EXOC4: variants seen among roughly 807,000 people sequenced by gnomAD.
The protein encoded by EXOC4 is SEC8-like 1.
Under a neutral mutation model 107.2 loss-of-function variants are expected in EXOC4, and 71 were observed. That is an observed-to-expected ratio of 0.66 (90% CI 0.55 to 0.81). The LOEUF is 0.81. EXOC4 is among the 30% of genes least tolerant of loss of function. EXOC4 has a pLI of 0.00. For missense variants in EXOC4, 1,108 were observed against 1,189.6 expected, an observed-to-expected ratio of 0.93 and a Z score of 1.01; for synonymous variants, 456 against 441.2, an observed-to-expected ratio of 1.03 and a Z score of -0.42.
intron 10 of EXOC4, among the ~76,000 whole-genome samples, chr7:133,636,733 C>G (rs532846854): frequency 3.5e-4 from 54 of 152,254 alleles, no homozygotes; most frequent in South Asian, 3.1e-3. Flanking sequence ...TTATTCACAC[C>G]TCATTAAGAT....
chr7:134,050,607 C>T (rs888878735), intron 17 of EXOC4, among the ~76,000 whole-genome samples: 1 of 151,932 alleles, frequency 6.6e-6, no homozygotes, highest in South Asian at 2.1e-4. Flanking sequence ...GAGGATTTAG[C>T]GATTTTGAAC....
At chr7:133,845,415 A>G (rs904103631) in intron 11 of EXOC4, among the ~76,000 whole-genome samples, 1 of 147,834 alleles carries the variant, frequency 6.8e-6, no homozygotes, top group African/African-American at 2.5e-5. Flanking sequence ...TATATTTTAT[A>G]TATATCTTAT....
At chr7:133,261,039 T>C (rs1268259829) in intron 1 of EXOC4, among the ~76,000 whole-genome samples, 1 of 152,186 alleles carries the variant, frequency 6.6e-6, no homozygotes, top group Non-Finnish European at 1.5e-5. Context: ...GATTATACTT[T>C]TCAATCTAAG....
At chr7:133,484,957 G>C (rs770723391) in intron 9 of EXOC4, among the ~76,000 whole-genome samples, 2 of 151,476 alleles carry the variant, frequency 1.3e-5, no homozygotes, top group Non-Finnish European at 2.9e-5. Context: ...GCGGACACCT[G>C]TAATCCCAGC....
chr7:134,027,664 A>AAC (rs1795173059), intron 17 of EXOC4, among the ~76,000 whole-genome samples: 1 of 151,350 alleles, frequency 6.6e-6, no homozygotes, highest in African/African-American at 2.4e-5. Context: ...CTCAAAAAAA[A>AAC]AAAAAAAAGG....
At chr7:133,399,426 C>A (rs963358437) in intron 7 of EXOC4, among the ~76,000 whole-genome samples, 1 of 152,202 alleles carries the variant, frequency 6.6e-6, no homozygotes, top group Non-Finnish European at 1.5e-5. Context: ...CAGCATCACT[C>A]GTTCATTGAA....
chr7:134,067,511 T>C (rs1351385000), downstream of EXOC4, among the ~76,000 whole-genome samples: 2 of 152,062 alleles, frequency 1.3e-5, no homozygotes, highest in Non-Finnish European at 2.9e-5. Flanking sequence ...AATATTACTT[T>C]CCTCTCTTCC....
At chr7:133,342,250 G>A (rs990043742) in intron 5 of EXOC4, among the ~76,000 whole-genome samples, 6 of 152,078 alleles carry the variant, frequency 3.9e-5, no homozygotes, top group African/African-American at 1.2e-4. Context: ...AATTCTCTTA[G>A]CATTTGTTTG....
chr7:133,419,504 A>G (rs1372164614), intron 7 of EXOC4, among the ~76,000 whole-genome samples: 1 of 152,184 alleles, frequency 6.6e-6, no homozygotes, highest in Non-Finnish European at 1.5e-5. Context: ...TAAAATCTGT[A>G]TGATGGGAGA....
At chr7:134,057,359 G>A (rs1795954336) in intron 17 of EXOC4, among the ~76,000 whole-genome samples, 1 of 142,772 alleles carries the variant, frequency 7.0e-6, no homozygotes, top group South Asian at 2.1e-4. Context: ...TCCGTTGTGA[G>A]AAGTGTAAAA....
chr7:133,327,633 T>C (rs1795280292), intron 5 of EXOC4, among the ~76,000 whole-genome samples: 1 of 152,200 alleles, frequency 6.6e-6, no homozygotes, highest in Admixed American at 6.5e-5. Context: ...TTTTGTTGCA[T>C]TGTGTCTTTG....
At chr7:133,384,692 T>C (rs1044345513) in intron 7 of EXOC4, among the ~76,000 whole-genome samples, 7 of 150,968 alleles carry the variant, frequency 4.6e-5, no homozygotes, top group Non-Finnish European at 7.4e-5. Context: ...CAAAGGTAAT[T>C]ACATTTTCCT....
chr7:133,833,855 G>A (rs539385587), intron 11 of EXOC4, among the ~76,000 whole-genome samples: 80 of 152,272 alleles, frequency 5.3e-4, no homozygotes, highest in Non-Finnish European at 6.9e-4. Flanking sequence ...GCAAGTCACC[G>A]TACCTGGCCC....
intron 2 of EXOC4, among the ~76,000 whole-genome samples, chr7:133,280,088 G>A (rs953681997): frequency 2.0e-5 from 3 of 152,116 alleles, no homozygotes; most frequent in Non-Finnish European, 4.4e-5. Flanking sequence ...CTCTTGAGTA[G>A]GTGGTATTAC....
intron 7 of EXOC4, among the ~76,000 whole-genome samples, chr7:133,382,395 G>C (rs1210654844): frequency 4.6e-5 from 7 of 152,038 alleles, no homozygotes; most frequent in Non-Finnish European, 8.8e-5. Flanking sequence ...GAGTACTGGG[G>C]AATAGAAAAA....
intron 11 of EXOC4, 152 bp downstream of exon 11, chr7:133,817,696 T>G (rs984835897): frequency 1.6e-6 from 1 of 609,148 alleles, no homozygotes; most frequent in African/African-American, 1.9e-5. Context: ...AAATTTAGAT[T>G]TAATGTAGTT....
chr7:133,634,291 T>G (rs545723650), intron 10 of EXOC4, among the ~76,000 whole-genome samples: 2 of 152,290 alleles, frequency 1.3e-5, no homozygotes, highest in Non-Finnish European at 2.9e-5. Flanking sequence ...TTAACTCCGC[T>G]TATCCCTTTA....
intron 10 of EXOC4, among the ~76,000 whole-genome samples, chr7:133,664,468 A>C (rs911228535): frequency 6.6e-6 from 1 of 152,208 alleles, no homozygotes; most frequent in Non-Finnish European, 1.5e-5. Context: ...TCCAAACTAC[A>C]GTCTCAAGAC....
At chr7:133,887,449 A>T (rs1799110911) in intron 11 of EXOC4, among the ~76,000 whole-genome samples, 1 of 152,210 alleles carries the variant, frequency 6.6e-6, no homozygotes, top group Non-Finnish European at 1.5e-5. Context: ...TGAGAGGCTG[A>T]TAATCTATTC....
Sources: allele counts gnomAD v4.1 joint callset (sites outside exome capture counted in the v4.1 genomes callset), GRCh38; gene constraint gnomAD v4.1.1; transcripts MANE v1.5; gene names NCBI Gene and HGNC (gene_info 2026-07-23, HGNC 2026-07-21).